The following CTNNA2 variants were observed in gnomAD, a reference collection of about 807,000 sequenced individuals.
CTNNA2 encodes the protein catenin alpha 2.
CTNNA2 carries 42 observed loss-of-function variants against 101.0 expected under a neutral mutation model. The ratio of observed to expected loss-of-function variants is 0.42; its 90% CI spans 0.32 to 0.54. The LOEUF (loss-of-function observed/expected upper bound fraction) is 0.54, where lower values mean the gene tolerates loss of function less well. CTNNA2 is among the 20% of genes least tolerant of loss of function. CTNNA2 has a pLI of 0.14. For missense variants in CTNNA2, 871 were observed against 1,223.1 expected, an observed-to-expected ratio of 0.71 and a Z score of 4.29; for synonymous variants, 450 against 456.4, an observed-to-expected ratio of 0.99 and a Z score of 0.18.
At chr2:79,327,301 G>A (rs1399274824) in intron 3 of CTNNA2, among the ~76,000 whole-genome samples, 2 of 152,138 alleles carry the variant, frequency 1.3e-5, no homozygotes, top group Admixed American at 6.5e-5. Context: ...TCTTGCTTGA[G>A]TATTATTTTG....
At chr2:80,514,638 G>A (rs1442538508) in intron 9 of CTNNA2, among the ~76,000 whole-genome samples, 1 of 152,082 alleles carries the variant, frequency 6.6e-6, no homozygotes, top group Non-Finnish European at 1.5e-5. Context: ...AGGCAGGCAG[G>A]TAAACTTCCT....
At chr2:80,238,211 A>T (rs575341646) in intron 7 of CTNNA2, among the ~76,000 whole-genome samples, 3 of 152,016 alleles carry the variant, frequency 2.0e-5, no homozygotes, top group Non-Finnish European at 4.4e-5. Flanking sequence ...GACTTTACTC[A>T]AGATCATTTG....
intron 7 of CTNNA2, among the ~76,000 whole-genome samples, chr2:80,023,835 C>T (rs1694743775): frequency 1.3e-5 from 2 of 152,112 alleles, no homozygotes; most frequent in South Asian, 4.1e-4. Flanking sequence ...TGCCTGTAAT[C>T]CCAGCACTTT....
chr2:80,099,930 A>G (rs1396451719), intron 7 of CTNNA2, among the ~76,000 whole-genome samples: 3 of 151,400 alleles, frequency 2.0e-5, no homozygotes, highest in Non-Finnish European at 4.4e-5. Flanking sequence ...TTGAATCTTT[A>G]TTTTTTTTGT....
intron 7 of CTNNA2, among the ~76,000 whole-genome samples, chr2:80,095,479 C>T (rs906953206): frequency 9.9e-5 from 15 of 152,204 alleles, no homozygotes; most frequent in African/African-American, 3.6e-4. Flanking sequence ...TTTGTTGTGT[C>T]TCTGCCAGGC....
At chr2:80,034,683 A>C (rs1024580953) in intron 7 of CTNNA2, among the ~76,000 whole-genome samples, 1 of 152,278 alleles carries the variant, frequency 6.6e-6, no homozygotes. Flanking sequence ...AATAAATGCA[A>C]ATTTAAAATA....
chr2:79,628,166 G>C (rs919490620), intron 1 of CTNNA2, among the ~76,000 whole-genome samples: 2 of 152,046 alleles, frequency 1.3e-5, no homozygotes, highest in South Asian at 4.1e-4. Flanking sequence ...AAATTGGTGA[G>C]GTTGGCCAGG....
chr2:80,064,335 A>G (rs1402472176), intron 7 of CTNNA2, among the ~76,000 whole-genome samples: 1 of 152,224 alleles, frequency 6.6e-6, no homozygotes, highest in Non-Finnish European at 1.5e-5. Context: ...CTCTTTGACA[A>G]GGCCCCAGAT....
chr2:79,241,632 G>A (rs1055845571), intron 2 of CTNNA2, among the ~76,000 whole-genome samples: 3 of 152,132 alleles, frequency 2.0e-5, no homozygotes, highest in Admixed American at 6.5e-5. Flanking sequence ...CCAAGAATTG[G>A]AAGTTTTAAG....
At chr2:80,317,993 A>G (rs1365595673) in intron 7 of CTNNA2, among the ~76,000 whole-genome samples, 1 of 151,780 alleles carries the variant, frequency 6.6e-6, no homozygotes, top group East Asian at 1.9e-4. Flanking sequence ...CTCCTATTAA[A>G]TTTCCACCTT....
At chr2:80,299,490 A>G (rs973404674) in intron 7 of CTNNA2, 3 of 152,152 alleles carry the variant, frequency 2.0e-5, no homozygotes, top group Non-Finnish European at 4.4e-5. Flanking sequence ...ACATACAGAC[A>G]CACACACAAA....
chr2:80,584,932 C>T (rs11901871), intron 14 of CTNNA2, among the ~76,000 whole-genome samples: 10,381 of 152,166 alleles, frequency 0.068, 608 homozygotes, highest in African/African-American at 0.16. Flanking sequence ...AATGGGACAA[C>T]TACCTCAATT....
chr2:80,463,589 G>A (rs564091217), intron 9 of CTNNA2, among the ~76,000 whole-genome samples: 2 of 152,198 alleles, frequency 1.3e-5, no homozygotes, highest in South Asian at 2.1e-4. Flanking sequence ...CAGTCTCCAC[G>A]GGTGGATACT....
intron 7 of CTNNA2, among the ~76,000 whole-genome samples, chr2:80,362,099 G>A (rs1674467044): frequency 6.6e-6 from 1 of 152,050 alleles, no homozygotes; most frequent in Non-Finnish European, 1.5e-5. Flanking sequence ...TTATCTTTAT[G>A]ACATGAGGCA....
At chr2:79,408,168 T>G (rs1051455549) in intron 4 of CTNNA2, among the ~76,000 whole-genome samples, 1 of 152,044 alleles carries the variant, frequency 6.6e-6, no homozygotes, top group African/African-American at 2.4e-5. Context: ...AGATAGTATA[T>G]GGCTTGAGAT....
intron 7 of CTNNA2, among the ~76,000 whole-genome samples, chr2:80,034,116 A>G (rs1018392328): frequency 6.6e-6 from 1 of 151,980 alleles, no homozygotes; most frequent in Admixed American, 6.5e-5. Flanking sequence ...GAAAATAAAA[A>G]CCTTCTCTAC....
chr2:79,920,913 C>T (rs914176507), intron 7 of CTNNA2, among the ~76,000 whole-genome samples: 6 of 152,252 alleles, frequency 3.9e-5, no homozygotes, highest in Non-Finnish European at 8.8e-5. Context: ...TGACCTGTTT[C>T]GGCATGAGCT....
intron 3 of CTNNA2, among the ~76,000 whole-genome samples, chr2:79,760,112 G>A (rs919148517): frequency 6.6e-6 from 1 of 152,042 alleles, no homozygotes; most frequent in Non-Finnish European, 1.5e-5. Context: ...ATGTCTCATA[G>A]GCCTCAGTTC....
intron 15 of CTNNA2, 147 bp from the exon 16 acceptor site, chr2:80,603,927 A>C: frequency 1.7e-6 from 1 of 572,406 alleles, no homozygotes; most frequent in South Asian, 2.5e-5. Flanking sequence ...TAGAAACTGG[A>C]GTTAAGCAGG....
Sources: gnomAD v4.1 joint callset for allele counts (sites outside exome capture counted in the v4.1 genomes callset) on GRCh38, gnomAD v4.1.1 for gene constraint, MANE v1.5 for transcripts, NCBI Gene and HGNC (gene_info 2026-07-23, HGNC 2026-07-21) for gene names.